TBC1D4: variants seen among roughly 807,000 people sequenced by gnomAD.
TBC1D4 encodes TBC1 domain family member 4.
In TBC1D4, 121 loss-of-function variants were observed where a neutral mutation model predicts 142.5. The ratio of observed to expected loss-of-function variants is 0.85; its 90% CI spans 0.73 to 0.99. The LOEUF is 0.99. TBC1D4 is among the 50% of genes least tolerant of loss of function. The probability of loss-of-function intolerance (pLI) is 0.00; values close to 1 mark genes in which losing one functional copy is unlikely to be tolerated. For missense variants in TBC1D4, 1,475 were observed against 1,606.6 expected (o/e 0.92, Z 1.40); for synonymous variants, 630 against 628.2 (o/e 1.00, Z -0.04).
At chr13:75,443,056 G>A (rs1887117507) in intron 1 of TBC1D4, among the ~76,000 whole-genome samples, 2 of 152,188 alleles carry the variant, frequency 1.3e-5, no homozygotes, top group Admixed American at 1.3e-4. Flanking sequence ...TTTATTTGAT[G>A]AAGTTTATCG....
chr13:75,416,498 T>C (rs1885923317), intron 1 of TBC1D4, among the ~76,000 whole-genome samples: 1 of 152,138 alleles, frequency 6.6e-6, no homozygotes, highest in Non-Finnish European at 1.5e-5. Flanking sequence ...CCCCTCTCAT[T>C]TCCAAGCTGC....
At chr13:75,371,318 AT>A (rs1883209552) in intron 1 of TBC1D4, among the ~76,000 whole-genome samples, 1 of 152,196 alleles carries the variant, frequency 6.6e-6, no homozygotes, top group Non-Finnish European at 1.5e-5. Context: ...GAAATCAATG[AT>A]TTCAAGAAAC....
chr13:75,337,671 A>T (rs1880340054), intron 7 of TBC1D4, among the ~76,000 whole-genome samples: 1 of 152,194 alleles, frequency 6.6e-6, no homozygotes, highest in Non-Finnish European at 1.5e-5. Flanking sequence ...AAACCTTATG[A>T]TTTGCTTGGG....
rs1373146580 is a variant in TBC1D4 at position 75,356,131 on chromosome 13, C to T, written c.1275+16G>A. 6.3e-7 allele frequency: 1 copy of T among 1,593,672 alleles called. No homozygotes were observed. Among genetic ancestry groups the T allele is most frequent in the Non-Finnish European group, 8.6e-7 (1 of 1,162,310 alleles). On this transcript the variant is annotated intron_variant, in intron 4 of 20. Coordinates refer to ENST00000377636, the MANE Select transcript of TBC1D4 (RefSeq NM_014832.5). ...TGTGTCCGCAGGAGCAGGCAGACAG[C>T]AATAACACTACTTACCAGAGATTCG...
chr13:75,437,595 T>A (rs1442011936), intron 1 of TBC1D4, among the ~76,000 whole-genome samples: 1 of 134,120 alleles, frequency 7.5e-6, no homozygotes, highest in African/African-American at 3.3e-5. Context: ...ATTCTCATTA[T>A]AAACTTTTTT....
chr13:75,427,423 C>T (rs979112967), intron 1 of TBC1D4, among the ~76,000 whole-genome samples: 2 of 152,190 alleles, frequency 1.3e-5, no homozygotes, highest in Non-Finnish European at 2.9e-5. Flanking sequence ...TGCCTGTAAT[C>T]TCAGCCTGTG....
At chr13:75,381,408 G>T (rs1398211469) in intron 1 of TBC1D4, among the ~76,000 whole-genome samples, 1 of 152,162 alleles carries the variant, frequency 6.6e-6, no homozygotes, top group East Asian at 1.9e-4. Context: ...TAAACAAATT[G>T]TAAGGGGTAA....
In TBC1D4 at chr13:75,289,483, A is replaced by T. The variant is rs532659166; in HGVS notation, c.3487-373T>A. Among the ~76,000 whole-genome samples the T allele has an allele frequency of 9.9e-5, 15 of 152,194 alleles. No individual in the cohort carries two copies. The South Asian group carries it at 2.9e-3, about 30-fold the overall frequency. ...TCTCCCAAAATGTAGTATACTAGAT[A>T]AACAACATTAGTTATTGAGTAATTA... On this transcript the variant is annotated intron_variant, in intron 19 of 20. Coordinates refer to ENST00000377636, the MANE Select transcript of TBC1D4 (RefSeq NM_014832.5).
rs771864660 is a variant in TBC1D4, at chr13:75,362,135, C to T, written c.971G>A (p.Arg324Gln). 2 of 1,613,818 alleles carry T rather than the reference C, an allele frequency of 1.2e-6. No homozygotes were observed. Among genetic ancestry groups the T allele is most frequent in the East Asian group, 2.2e-5 (1 of 44,852 alleles). Residue 324 changes from arginine to glutamine, a missense_variant, in exon 2 of 21, where the codon CGG (arginine) becomes CAG (glutamine). Physicochemically the swap from Arg to Gln is conservative, Grantham distance 43. This residue lies in a region of TBC1D4 where 1,227 missense variants were observed against 1,267.7 expected (regional missense o/e 0.97). Coordinates refer to ENST00000377636, the MANE Select transcript of TBC1D4 (RefSeq NM_014832.5). This position sits in a 1 kb window ranked among gnomAD's most constrained non-coding sequence, Gnocchi z 4.2. ...SRCSSVTGVQ[R>Q]RVHEGSQKSQ... ...TTTCTGGCTGCCCTCGTGAACTCTC[C>T]GTTGCACGCCGGTGACACTGCTGCA...
intron 1 of TBC1D4, among the ~76,000 whole-genome samples, chr13:75,465,902 G>A (rs1371320082): frequency 2.0e-5 from 3 of 152,056 alleles, no homozygotes; most frequent in African/African-American, 7.2e-5. Flanking sequence ...CTTTCAACCA[G>A]TTGCCAAGCA....
chr13:75,469,676 G>A (rs1888318280), intron 1 of TBC1D4, among the ~76,000 whole-genome samples: 1 of 152,142 alleles, frequency 6.6e-6, no homozygotes, highest in Non-Finnish European at 1.5e-5. Flanking sequence ...TTGGGAGGCT[G>A]AGGTGGGAGG....
chr13:75,306,316 C>CT lies in TBC1D4; in HGVS notation c.2748dup (p.Glu917ArgfsTer27). ...TTACTGAGATTATCCCAAATACCTT[C>CT]TTTAAGAAGAGTATGAATATCTTCC... On this transcript the variant is annotated frameshift_variant, in exon 15 of 21. Transcript: ENST00000377636. LOFTEE classifies it high-confidence loss of function. 1 of 1,609,150 alleles carries CT rather than the reference C, an allele frequency of 6.2e-7. No homozygotes were observed. The highest frequency in any genetic ancestry group is 8.5e-7 in the Non-Finnish European group (1 of 1,178,930).
intron 1 of TBC1D4, among the ~76,000 whole-genome samples, chr13:75,421,124 T>C (rs191356721): frequency 6.6e-6 from 1 of 152,216 alleles, no homozygotes; most frequent in Non-Finnish European, 1.5e-5. Context: ...TAGTTTCTTT[T>C]GGAGAAATGA....
At chr13:75,467,497 C>T (rs915990213) in intron 1 of TBC1D4, among the ~76,000 whole-genome samples, 23 of 152,224 alleles carry the variant, frequency 1.5e-4, no homozygotes, top group Admixed American at 1.4e-3. Context: ...ATGAGACTCT[C>T]CTACACCATG....
At chr13:75,436,286 T>G (rs1354960325) in intron 1 of TBC1D4, among the ~76,000 whole-genome samples, 1 of 152,082 alleles carries the variant, frequency 6.6e-6, no homozygotes, top group Non-Finnish European at 1.5e-5. Flanking sequence ...CAGTCTCGGG[T>G]ATTTCTTCAT....
chr13:75,348,939 T>TAGAGAGAGAG (rs755430210), intron 5 of TBC1D4, among the ~76,000 whole-genome samples: 54 of 131,220 alleles, frequency 4.1e-4, no homozygotes, highest in African/African-American at 1.7e-3. Flanking sequence ...GGAGAGAGAG[T>TAGAGAGAGAG]AGAGAGAGAG....
chr13:75,294,541 A>C (rs551082873), intron 18 of TBC1D4, among the ~76,000 whole-genome samples: 2 of 152,336 alleles, frequency 1.3e-5, no homozygotes, highest in South Asian at 4.1e-4. Flanking sequence ...AATTATACAC[A>C]GTCTGTCCCT....
chr13:75,345,766 T>C (rs1343080277), intron 5 of TBC1D4, among the ~76,000 whole-genome samples: 1 of 151,578 alleles, frequency 6.6e-6, no homozygotes, highest in African/African-American at 2.4e-5. Context: ...TTTAAAACTA[T>C]AAAAACTTCA....
Position 75,326,341 on chromosome 13 carries a change from T to C in TBC1D4, c.1889A>G (p.Asp630Gly). 3 of 1,614,108 alleles carry C rather than the reference T, an allele frequency of 1.9e-6. No homozygotes were observed. The highest frequency in any genetic ancestry group is 2.5e-6 in the Non-Finnish European group (3 of 1,180,024). Reference protein sequence around the residue: ...SSAWQTFPEEDSDSPQFRRRA... With the variant: ...SSAWQTFPEEGSDSPQFRRRA... Reference sequence around the variant, plus strand: ...TCTTCGAAACTGCGGGGAGTCGGAATCCTCTTCGGGAAACGTTTGCCAAGC... The same window carrying C: ...TCTTCGAAACTGCGGGGAGTCGGAACCCTCTTCGGGAAACGTTTGCCAAGC... Residue 630 changes from aspartate (D) to glycine (G), a missense_variant, in exon 10 of 21, where the codon GAT becomes GGT. Physicochemically the swap from Asp to Gly is moderately conservative, Grantham distance 94. Coordinates refer to ENST00000377636, the MANE Select transcript of TBC1D4 (RefSeq NM_014832.5).
Sources: allele counts gnomAD v4.1 joint callset (sites outside exome capture counted in the v4.1 genomes callset), GRCh38; gene constraint gnomAD v4.1.1; regional missense constraint gnomAD v4.1.1; non-coding constraint Gnocchi (gnomAD v3.1); transcripts MANE v1.5; gene names NCBI Gene and HGNC (gene_info 2026-07-23, HGNC 2026-07-21).